Variants in ANKRD26 observed in about 807,000 individuals in gnomAD.
ANKRD26 encodes ankyrin repeat domain 26.
ANKRD26 carries 141 observed loss-of-function variants against 208.7 expected under a neutral mutation model. The observed-to-expected ratio is 0.68, with a 90% CI of 0.59 to 0.78. The LOEUF is 0.78. ANKRD26 is among the 30% of genes least tolerant of loss of function. ANKRD26 has a pLI of 0.00. For synonymous variants in ANKRD26, 636 were observed against 660.4 expected, an observed-to-expected ratio of 0.96 and a Z score of 0.57; for missense variants, 1,889 against 1,938.7, an observed-to-expected ratio of 0.97 and a Z score of 0.48.
At chr10:26,952,678 T>A in the ANKRD26 span, among the ~76,000 whole-genome samples, 50,335 of 152,106 alleles carry the variant, frequency 0.33, 10,584 homozygotes, top group Non-Finnish European at 0.47. Flanking sequence ...ATTGCAAGGC[T>A]AAGTAGGGAC....
intron 27 of ANKRD26, among the ~76,000 whole-genome samples, chr10:27,024,796 A>G (rs1261282527): frequency 6.6e-6 from 1 of 152,184 alleles, no homozygotes; most frequent in Non-Finnish European, 1.5e-5. Flanking sequence ...TTACATATAA[A>G]ATACTAAGTG....
intron 15 of ANKRD26, among the ~76,000 whole-genome samples, chr10:27,055,857 T>C (rs2054821223): frequency 6.6e-6 from 1 of 152,186 alleles, no homozygotes; most frequent in South Asian, 2.1e-4. Context: ...TTACATTACA[T>C]GTAGTTATAA....
At chr10:27,019,063 G>A (rs901024524) in intron 29 of ANKRD26, among the ~76,000 whole-genome samples, 1 of 152,016 alleles carries the variant, frequency 6.6e-6, no homozygotes, top group Non-Finnish European at 1.5e-5. Flanking sequence ...GGTGGATCAC[G>A]AGGTCAGGAG....
rs1276190987 is a variant in ANKRD26, at chr10:27,004,315, AAAAC to A, written c.*1271_*1274del. The A allele has an allele frequency of 2.0e-5, 3 of 152,104 alleles. No individual in the cohort carries two copies. Among genetic ancestry groups the A allele is most frequent in the African/African-American group, 4.8e-5 (2 of 41,440 alleles). The allele number at this position is 152,104 out of a possible 1,614,324, so 9.4% of individuals were successfully genotyped here. On this transcript the variant is annotated 3_prime_UTR_variant, in exon 34 of 34. Transcript: ENST00000376087. The stretch of plus-strand genomic sequence containing the variant: ...TCAAAATATAACATTTCTTAAAAGA[AAAAC>A]AAATTTTTAATAACAATATTAATGA...
chr10:27,067,808 C>T (rs1399902830), intron 9 of ANKRD26, among the ~76,000 whole-genome samples: 1 of 152,154 alleles, frequency 6.6e-6, no homozygotes, highest in Non-Finnish European at 1.5e-5. Flanking sequence ...GCAGGACACA[C>T]TTCCAAACTA....
At chr10:27,009,245 A>G (rs2053006501) in intron 32 of ANKRD26, among the ~76,000 whole-genome samples, 1 of 152,198 alleles carries the variant, frequency 6.6e-6, no homozygotes, top group African/African-American at 2.4e-5. Flanking sequence ...GCAGACCCAG[A>G]ACCCAGGAGG....
At chr10:27,051,327 G>T (rs1411130379) in intron 16 of ANKRD26, 1 of 1,273,754 alleles carries the variant, frequency 7.9e-7, no homozygotes, top group Non-Finnish European at 1.0e-6. Context: ...TGTACCAGCA[G>T]AAATACTATG....
chr10:26,993,329 A>G (rs563063095), intron 5 of ANKRD26, among the ~76,000 whole-genome samples: 1 of 152,330 alleles, frequency 6.6e-6, no homozygotes, highest in African/African-American at 2.4e-5. Flanking sequence ...ACTGTACCCA[A>G]TAGGTGTCAT....
chr10:27,005,838 G>C, intron 33 of ANKRD26, 115 bp from the exon 34 acceptor site: 1 of 1,294,752 alleles, frequency 7.7e-7, no homozygotes, highest in Non-Finnish European at 1.0e-6. Flanking sequence ...AGAAAAATAT[G>C]TATGCACAAC....
chr10:27,035,881 A>C, intron 23 of ANKRD26, 129 bp from the exon 24 acceptor site: 1 of 706,376 alleles, frequency 1.4e-6, no homozygotes, highest in Non-Finnish European at 2.3e-6. Flanking sequence ...CCAATTGAAA[A>C]AAAAAAAGTT....
At chr10:27,069,831 T>C (rs759773340) in intron 9 of ANKRD26, among the ~76,000 whole-genome samples, 2 of 152,094 alleles carry the variant, frequency 1.3e-5, no homozygotes, top group Non-Finnish European at 2.9e-5. Context: ...TATTTCAACA[T>C]TTGAGGATGG....
Position 27,093,344 on chromosome 10 carries a change from T to C in ANKRD26, c.531+5A>G. ...ACTGTAAAAATAAAGTTGGTTGATCTATACCTTGTTTTTTGCTTCAATATT... is the reference window on the plus strand; with the variant it reads ...ACTGTAAAAATAAAGTTGGTTGATCCATACCTTGTTTTTTGCTTCAATATT... On this transcript the variant is annotated splice_donor_5th_base_variant and intron_variant, in intron 3 of 33. Transcript: ENST00000376087. 2 of 1,613,140 alleles carry C rather than the reference T, an allele frequency of 1.2e-6. No homozygotes were observed. The highest frequency in any genetic ancestry group is 1.7e-6 in the Non-Finnish European group (2 of 1,179,446).
At chr10:27,086,444 T>A in intron 5 of ANKRD26, 95 bp downstream of exon 5, 2 of 1,521,956 alleles carry the variant, frequency 1.3e-6, no homozygotes, top group Non-Finnish European at 1.8e-6. Context: ...ATACACTGAT[T>A]TTTAAAACTG....
chr10:27,037,858 A>C lies in ANKRD26; in HGVS notation c.2559+13T>G. Reference sequence around the variant, plus strand: ...AGTTAAAAATATAAAATTTTTATCAAAAATTAATTTACCTGATTCAAATTA... The same window carrying C: ...AGTTAAAAATATAAAATTTTTATCACAAATTAATTTACCTGATTCAAATTA... On this transcript the variant is annotated intron_variant, in intron 22 of 33. Coordinates refer to ENST00000376087, the MANE Select transcript of ANKRD26 (RefSeq NM_014915.3). 3.1e-6 allele frequency: 5 copies of C among 1,588,448 alleles called. No homozygotes were observed. Among genetic ancestry groups the C allele is most frequent in the Non-Finnish European group, 4.3e-6 (5 of 1,163,766 alleles).
rs372660559 is a variant in ANKRD26 at position 27,071,395 on chromosome 10, C to T, written c.1078-4109G>A. 3.0e-4 allele frequency among the ~76,000 whole-genome samples: 46 copies of T among 151,096 alleles called. No homozygotes were observed. In the East Asian group the frequency reaches 5.1e-3, roughly 17 times the overall value. On this transcript the variant is annotated intron_variant, in intron 9 of 33. Transcript: ENST00000376087. ...TTCACCGTGTTGGCCAGGATGGTCT[C>T]GATCTCCTGACCTCGTGATCCGCCC...
chr10:26,959,277 C>CA, the ANKRD26 span, among the ~76,000 whole-genome samples: 2,055 of 69,200 alleles, frequency 0.03, 17 homozygotes, highest in African/African-American at 0.04. Context: ...GATTGTGTCT[C>CA]AAAAAAAAAA....
intron 3 of ANKRD26, among the ~76,000 whole-genome samples, chr10:26,984,335 A>G (rs1285559483): frequency 1.3e-5 from 2 of 152,296 alleles, no homozygotes; most frequent in East Asian, 3.9e-4. Context: ...TCAAAGGTTG[A>G]TATTGTTTAG....
intron 12 of ANKRD26, chr10:27,062,363 A>G: frequency 7.2e-6 from 3 of 418,676 alleles, no homozygotes; most frequent in Non-Finnish European, 9.6e-6. Flanking sequence ...CAGATTTCTC[A>G]AAAAGGAAGT....
chr10:27,077,369 T>G lies in ANKRD26; in HGVS notation c.1046A>C (p.His349Pro). 1.2e-6 allele frequency: 2 copies of G among 1,613,984 alleles called. No individual in the cohort carries two copies. Among genetic ancestry groups the G allele is most frequent in the Non-Finnish European group, 1.7e-6 (2 of 1,179,954 alleles). The change falls in exon 9 of 34, where the codon CAC becomes CCC. Residue 349 changes from histidine (H) to proline (P), a missense_variant. Physicochemically the swap from His to Pro is moderately conservative, Grantham distance 77. Transcript: ENST00000376087. The part of the protein sequence containing the change: ...QSPDLLPKPS[H>P]KSLANPGLMK... ...AAGACCAGGGTTTGCTAACGACTTG[T>G]GGGAAGGTTTTGGAAGAAGGTCAGG...
Sources: gnomAD v4.1 joint callset for allele counts (sites outside exome capture counted in the v4.1 genomes callset) on GRCh38, gnomAD v4.1.1 for gene constraint, MANE v1.5 for transcripts, NCBI Gene and HGNC (gene_info 2026-07-23, HGNC 2026-07-21) for gene names.